CTNNA1: variants seen among roughly 807,000 people sequenced by gnomAD.
CTNNA1 encodes catenin alpha 1.
In CTNNA1, 37 loss-of-function variants were observed where a neutral mutation model predicts 98.4. The observed-to-expected ratio is 0.38, with a 90% CI of 0.29 to 0.49. The LOEUF is 0.49. Among genes scored for constraint, CTNNA1 ranks in the 20% least tolerant of loss-of-function variants. The pLI, the probability that CTNNA1 is intolerant of heterozygous loss-of-function variation, is 0.95. For missense variants in CTNNA1, 761 were observed against 1,147.2 expected, an observed-to-expected ratio of 0.66 and a Z score of 4.86; for synonymous variants, 404 against 413.2, an observed-to-expected ratio of 0.98 and a Z score of 0.27.
At chr5:138,806,209 C>T (rs1758065003) in intron 3 of CTNNA1, among the ~76,000 whole-genome samples, 1 of 152,140 alleles carries the variant, frequency 6.6e-6, no homozygotes, top group African/African-American at 2.4e-5. Context: ...GTTGATTGAT[C>T]TCTATGTTTA....
At chr5:138,843,463 T>C (rs538393575) in intron 7 of CTNNA1, among the ~76,000 whole-genome samples, 2 of 152,336 alleles carry the variant, frequency 1.3e-5, no homozygotes, top group African/African-American at 4.8e-5. Context: ...TGGAAGGCCT[T>C]GTTTTATCCC....
intron 3 of CTNNA1, among the ~76,000 whole-genome samples, chr5:138,791,884 G>A (rs376330503): frequency 2.0e-5 from 3 of 149,822 alleles, no homozygotes; most frequent in African/African-American, 7.4e-5. Flanking sequence ...TAAGTTCTAG[G>A]GTACATGTGC....
At chr5:138,776,433 G>A (rs1005677172) in intron 1 of CTNNA1, among the ~76,000 whole-genome samples, 8 of 152,278 alleles carry the variant, frequency 5.3e-5, no homozygotes, top group East Asian at 1.9e-4. Context: ...AAAGTCTCCC[G>A]TGTCTGCCTC....
intron 1 of CTNNA1, among the ~76,000 whole-genome samples, chr5:138,780,770 C>T (rs1580971660): frequency 6.6e-6 from 1 of 152,294 alleles, no homozygotes; most frequent in South Asian, 2.1e-4. Flanking sequence ...CCCGCCTTGG[C>T]TTCCCAAAGT....
At chr5:138,755,966 G>A (rs577234194) in intron 1 of CTNNA1, among the ~76,000 whole-genome samples, 103 of 145,382 alleles carry the variant, frequency 7.1e-4, no homozygotes, top group South Asian at 3.7e-3. Flanking sequence ...GGATTCAAGC[G>A]ATTCTCCTGT....
At chr5:138,852,852 C>T (rs1221149554) in intron 7 of CTNNA1, among the ~76,000 whole-genome samples, 2 of 152,190 alleles carry the variant, frequency 1.3e-5, no homozygotes, top group Admixed American at 6.5e-5. Context: ...GCTTCCCTTC[C>T]CTCTTTTCGC....
chr5:138,931,608 G>A, intron 16 of CTNNA1: 2 of 985,372 alleles, frequency 2.0e-6, no homozygotes, highest in Non-Finnish European at 2.4e-6. Context: ...TTGGCCAAAT[G>A]TATCTTGACA....
intron 7 of CTNNA1, among the ~76,000 whole-genome samples, chr5:138,848,379 C>CT (rs1453118526): frequency 6.6e-6 from 1 of 152,178 alleles, no homozygotes; most frequent in South Asian, 2.1e-4. Flanking sequence ...ATTGTTCACA[C>CT]TTTAAGTCCT....
chr5:138,871,403 C>T lies in CTNNA1; in HGVS notation c.1063-14809C>T, dbSNP rs149557905. 2.8e-3 allele frequency: 422 copies of T among 152,270 alleles called. 3 individuals carry two copies. The highest frequency in any genetic ancestry group is 9.5e-3 in the African/African-American group (395 of 41,542). The allele number at this position is 152,270 out of a possible 1,614,324, so 9.4% of individuals were successfully genotyped here. A position where few individuals can be genotyped will look rare whatever the true frequency, so the allele number is the denominator to read the frequency against. On this transcript the variant is annotated intron_variant, in intron 7 of 17. Coordinates refer to ENST00000302763, the MANE Select transcript of CTNNA1 (RefSeq NM_001903.5). Reference sequence around the variant, plus strand: ...TTCTGTGTGAATGAGTAGCTTGCATCTAAATTCCAAATATTTAATAGGTTT... The same window carrying T: ...TTCTGTGTGAATGAGTAGCTTGCATTTAAATTCCAAATATTTAATAGGTTT...
chr5:138,802,412 G>A (rs1404171450), intron 3 of CTNNA1, among the ~76,000 whole-genome samples: 2 of 152,080 alleles, frequency 1.3e-5, no homozygotes, highest in African/African-American at 2.4e-5. Context: ...GGGCTCAATC[G>A]ATTCTCCTAC....
chr5:138,813,007 G>T (rs1265128534), intron 5 of CTNNA1, among the ~76,000 whole-genome samples: 1 of 152,198 alleles, frequency 6.6e-6, no homozygotes, highest in African/African-American at 2.4e-5. Flanking sequence ...AAGAATAGTT[G>T]TTGTTAGCTA....
At chr5:138,848,888 T>C (rs933467886) in intron 7 of CTNNA1, among the ~76,000 whole-genome samples, 1 of 152,200 alleles carries the variant, frequency 6.6e-6, no homozygotes, top group Non-Finnish European at 1.5e-5. Context: ...CATACCCAGC[T>C]AATTTTTGTA....
intron 10 of CTNNA1, among the ~76,000 whole-genome samples, chr5:138,916,795 A>G (rs1488016813): frequency 6.7e-6 from 1 of 149,720 alleles, no homozygotes; most frequent in Non-Finnish European, 1.5e-5. Context: ...TTTTTGAGAC[A>G]ACAAGTTTCA....
At chr5:138,819,460 T>C (rs1289678248) in intron 5 of CTNNA1, among the ~76,000 whole-genome samples, 2 of 152,204 alleles carry the variant, frequency 1.3e-5, no homozygotes, top group African/African-American at 2.4e-5. Flanking sequence ...GCCACTGTTC[T>C]GTTTCCCTTG....
intron 1 of CTNNA1, among the ~76,000 whole-genome samples, chr5:138,761,595 T>G (rs372482934): frequency 6.8e-4 from 67 of 98,690 alleles, no homozygotes; most frequent in African/African-American, 2.2e-3. Flanking sequence ...GGTGGAAAAA[T>G]GAACAGGTAA....
Position 138,875,418 on chromosome 5 carries a change from A to G in CTNNA1, c.1063-10794A>G. 6 of 985,934 alleles carry G rather than the reference A, an allele frequency of 6.1e-6. No individual in the cohort carries two copies. In the South Asian group the frequency reaches 2.8e-4, roughly 46 times the overall value. The allele number at this position is 985,934 out of a possible 1,614,324, so 61.1% of individuals were successfully genotyped here. ...GACGTGTCTTTTGTTTGGGTTTTCC[A>G]GAAGCTTTACTGTTATAAAGCACCA... On this transcript the variant is annotated intron_variant, in intron 7 of 17. Transcript: ENST00000302763.
intron 7 of CTNNA1, among the ~76,000 whole-genome samples, chr5:138,858,953 C>A (rs1163136261): frequency 6.6e-6 from 1 of 152,154 alleles, no homozygotes; most frequent in African/African-American, 2.4e-5. Context: ...CAGAATTAAC[C>A]CCTGCTTTTC....
intron 10 of CTNNA1, among the ~76,000 whole-genome samples, chr5:138,916,053 A>C (rs1483040495): frequency 6.6e-6 from 1 of 152,126 alleles, no homozygotes; most frequent in African/African-American, 2.4e-5. Context: ...AGTCTCAAAA[A>C]GAAACACACA....
At chr5:138,757,437 C>G (rs1292054194) in intron 1 of CTNNA1, among the ~76,000 whole-genome samples, 1 of 152,070 alleles carries the variant, frequency 6.6e-6, no homozygotes, top group Admixed American at 6.6e-5. Context: ...CCCCTGCACT[C>G]CAGCCTGGGC....
Sources: allele counts gnomAD v4.1 joint callset (sites outside exome capture counted in the v4.1 genomes callset), GRCh38; gene constraint gnomAD v4.1.1; transcripts MANE v1.5; gene names NCBI Gene and HGNC (gene_info 2026-07-23, HGNC 2026-07-21).